AAGAB: variants seen among roughly 807,000 people sequenced by gnomAD.
AAGAB encodes the protein alpha and gamma adaptin binding protein.
In AAGAB, 38 loss-of-function variants were observed where a neutral mutation model predicts 44.1. That is an observed-to-expected ratio of 0.86 (90% CI 0.67 to 1.13). The LOEUF (loss-of-function observed/expected upper bound fraction) is 1.13, where lower values mean the gene tolerates loss of function less well. Among genes scored for constraint, AAGAB ranks in the 50% most tolerant of loss-of-function variants. The pLI is 0.00. For synonymous variants in AAGAB, 131 were observed against 131.8 expected, an observed-to-expected ratio of 0.99 and a Z score of 0.04; for missense variants, 450 against 373.8, an observed-to-expected ratio of 1.20 and a Z score of -1.68.
intron 5 of AAGAB, among the ~76,000 whole-genome samples, chr15:67,215,684 T>A (rs1963928062): frequency 1.3e-5 from 2 of 152,228 alleles, no homozygotes; most frequent in South Asian, 4.1e-4. Flanking sequence ...TTGAATGATA[T>A]TCTTAAATCA....
At chr15:67,237,020 T>C (rs1964487138) in intron 1 of AAGAB, among the ~76,000 whole-genome samples, 200 bp from the exon 2 acceptor site, 1 of 152,136 alleles carries the variant, frequency 6.6e-6, no homozygotes, top group African/African-American at 2.4e-5. Context: ...ATAATTTAAG[T>C]CATTGACATT....
chr15:67,202,794 T>C lies in AAGAB; in HGVS notation c.*27A>G, dbSNP rs761959313. The C allele has an allele frequency of 6.2e-7, 1 of 1,609,360 alleles. No individual in the cohort carries two copies. The highest frequency in any genetic ancestry group is 8.5e-7 in the Non-Finnish European group (1 of 1,175,660). On this transcript the variant is annotated 3_prime_UTR_variant, in exon 10 of 10. Coordinates refer to ENST00000261880, the MANE Select transcript of AAGAB (RefSeq NM_024666.5). The stretch of plus-strand genomic sequence containing the variant: ...GTATCTCAGAGACAGCTAGCATCTT[T>C]GTTGGTCAAACCCTAGTATGAATAA...
intron 3 of AAGAB, 32 bp downstream of exon 3, chr15:67,236,376 G>A: frequency 1.9e-6 from 3 of 1,581,522 alleles, no homozygotes; most frequent in Non-Finnish European, 1.7e-6. Flanking sequence ...GCAAATGCAT[G>A]TACCAACTAC....
intron 7 of AAGAB, among the ~76,000 whole-genome samples, chr15:67,207,661 A>T (rs1444353153): frequency 6.6e-6 from 1 of 152,184 alleles, no homozygotes; most frequent in Non-Finnish European, 1.5e-5. Context: ...TTTTGTTTTT[A>T]GCCTTACGGT....
intron 1 of AAGAB, among the ~76,000 whole-genome samples, chr15:67,252,653 G>C (rs1200728565): frequency 4.6e-5 from 7 of 151,978 alleles, no homozygotes; most frequent in Non-Finnish European, 7.4e-5. Flanking sequence ...AGAAAAAAGA[G>C]GAAGGAAGGA....
At chr15:67,248,620 C>T (rs1033380853) in intron 1 of AAGAB, among the ~76,000 whole-genome samples, 1 of 152,222 alleles carries the variant, frequency 6.6e-6, no homozygotes, top group African/African-American at 2.4e-5. Flanking sequence ...TAACAATGTT[C>T]TCTTTAGTAA....
chr15:67,232,789 T>C lies in AAGAB; in HGVS notation c.452-892A>G, dbSNP rs144540945. ...GAATGTAAGAACGGCATGAAGAAGG[T>C]AGGCAGACAGCAAAGGCCAGTGTTA... On this transcript the variant is annotated intron_variant, in intron 4 of 9. Transcript: ENST00000261880. 188 of 213,112 alleles carry C rather than the reference T, an allele frequency of 8.8e-4. 5 individuals carry two copies. In the East Asian group the frequency reaches 0.014, roughly 16 times the overall value. The allele number at this position is 213,112 out of a possible 1,614,324, so 13.2% of individuals were successfully genotyped here. A position where few individuals can be genotyped will look rare whatever the true frequency, so the allele number is the denominator to read the frequency against.
At chr15:67,217,722 G>C (rs1363404195) in intron 5 of AAGAB, among the ~76,000 whole-genome samples, 1 of 152,114 alleles carries the variant, frequency 6.6e-6, no homozygotes, top group Non-Finnish European at 1.5e-5. Flanking sequence ...ATTTTTAGTA[G>C]AGATGGGGTT....
chr15:67,240,423 C>T (rs950915130), intron 1 of AAGAB, among the ~76,000 whole-genome samples: 1 of 152,210 alleles, frequency 6.6e-6, no homozygotes, highest in Non-Finnish European at 1.5e-5. Context: ...CTGTCTCATT[C>T]ACACTGTTGG....
chr15:67,226,431 C>T lies in AAGAB; in HGVS notation c.535+5383G>A, dbSNP rs184703469. The stretch of plus-strand genomic sequence containing the variant: ...GACACCATGCCTGGCCAACGTTAAG[C>T]ATCTATTCATGTTCTTACTGGCCAT... On this transcript the variant is annotated intron_variant, in intron 5 of 9. Transcript: ENST00000261880. Among the ~76,000 whole-genome samples the T allele has an allele frequency of 1.1e-4, 16 of 152,216 alleles. No homozygotes were observed. The East Asian group carries it at 2.7e-3, about 26-fold the overall frequency.
intron 4 of AAGAB, 24 bp from the exon 5 acceptor site, chr15:67,231,921 A>G: frequency 1.3e-6 from 2 of 1,561,844 alleles, no homozygotes; most frequent in South Asian, 1.1e-5. Context: ...GGAAATATAT[A>G]TATTTATATG....
At position 67,202,966 on chromosome 15, in the gene AAGAB, C is replaced by A. The variant is rs539417462; in HGVS notation, c.871-68G>T. The stretch of plus-strand genomic sequence containing the variant: ...TTTCAGCTTGTTTCATATGTCATAC[C>A]TTAAACTGACTGAGACCTAAAATTC... On this transcript the variant is annotated intron_variant, in intron 9 of 9. Coordinates refer to ENST00000261880, the MANE Select transcript of AAGAB (RefSeq NM_024666.5). 27 of 1,447,400 alleles carry A rather than the reference C, an allele frequency of 1.9e-5. No individual in the cohort carries two copies. In the East Asian group the frequency reaches 5.9e-4, roughly 32 times the overall value. 89.7% of individuals were successfully genotyped at this position (1,447,400 alleles called of 1,614,324 possible). A position where few individuals can be genotyped will look rare whatever the true frequency, so the allele number is the denominator to read the frequency against.
chr15:67,240,459 A>G (rs1381628448), intron 1 of AAGAB, among the ~76,000 whole-genome samples: 1 of 152,146 alleles, frequency 6.6e-6, no homozygotes, highest in African/African-American at 2.4e-5. Context: ...GCTGTAATAC[A>G]TCATTTTTTA....
chr15:67,238,695 T>C (rs1299259227), intron 1 of AAGAB, among the ~76,000 whole-genome samples: 3 of 144,758 alleles, frequency 2.1e-5, no homozygotes, highest in Non-Finnish European at 4.6e-5. Context: ...AAAATCAGTC[T>C]TAATTTTTTT....
chr15:67,226,618 T>A (rs1595995804), intron 5 of AAGAB: 1 of 152,314 alleles, frequency 6.6e-6, no homozygotes, highest in Admixed American at 6.5e-5. Context: ...TTGAGGGTTA[T>A]CTTTTATCCT....
chr15:67,222,115 A>G (rs1246257697), intron 5 of AAGAB, among the ~76,000 whole-genome samples: 1 of 152,046 alleles, frequency 6.6e-6, no homozygotes, highest in African/African-American at 2.4e-5. Context: ...CTTAAATTCC[A>G]TGGTCAATCA....
chr15:67,231,909 G>C lies in AAGAB; in HGVS notation c.452-12C>G, dbSNP rs1202494430. ...TTCTGGGAAGTCATCTAATCAGGGAGGGGAAATATATATATTTATATGCAA... is the reference window on the plus strand; with the variant it reads ...TTCTGGGAAGTCATCTAATCAGGGACGGGAAATATATATATTTATATGCAA... On this transcript the variant is annotated splice_polypyrimidine_tract_variant and intron_variant, in intron 4 of 9. Coordinates refer to ENST00000261880, the MANE Select transcript of AAGAB (RefSeq NM_024666.5). 1 of 1,586,270 alleles carries C rather than the reference G, an allele frequency of 6.3e-7. No individual in the cohort carries two copies. The highest frequency in any genetic ancestry group is 8.7e-7 in the Non-Finnish European group (1 of 1,155,972).
At chr15:67,254,947 G>C (rs774136973), upstream of AAGAB, 4 of 1,613,234 alleles carry the variant, frequency 2.5e-6, no homozygotes, top group East Asian at 6.7e-5. Context: ...TCTTAATCCA[G>C]GTGGGAAACG....
chr15:67,216,766 G>GA (rs201213148), intron 5 of AAGAB, among the ~76,000 whole-genome samples: 11,646 of 144,056 alleles, frequency 0.081, 577 homozygotes, highest in East Asian at 0.19. Context: ...ACTTTACCAT[G>GA]AAAAAAAAAA....
Sources: allele counts gnomAD v4.1 joint callset (sites outside exome capture counted in the v4.1 genomes callset), GRCh38; gene constraint gnomAD v4.1.1; transcripts MANE v1.5; gene names NCBI Gene and HGNC (gene_info 2026-07-23, HGNC 2026-07-21).